Variants in LRRC7 observed in about 807,000 individuals in gnomAD.
LRRC7 encodes leucine-rich repeat-containing protein 7.
In LRRC7, 23 loss-of-function variants were observed where a neutral mutation model predicts 175.7. The observed-to-expected ratio is 0.13, with a 90% CI of 0.09 to 0.19. The LOEUF (loss-of-function observed/expected upper bound fraction) is 0.19, where lower values mean the gene tolerates loss of function less well. LRRC7 is among the 10% of genes least tolerant of loss of function. The pLI, the probability that LRRC7 is intolerant of heterozygous loss-of-function variation, is 1.00. For synonymous variants in LRRC7, 685 were observed against 680.9 expected, an observed-to-expected ratio of 1.01 and a Z score of -0.09; for missense variants, 1,354 against 1,904.7, an observed-to-expected ratio of 0.71 and a Z score of 5.38.
At chr1:69,946,730 C>A (rs1649358289) in intron 8 of LRRC7, among the ~76,000 whole-genome samples, 1 of 151,160 alleles carries the variant, frequency 6.6e-6, no homozygotes, top group South Asian at 2.1e-4. Context: ...CTTCTCATTA[C>A]CATTTGCATG....
chr1:69,578,137 G>A (rs1646033757), intron 1 of LRRC7, among the ~76,000 whole-genome samples: 1 of 152,052 alleles, frequency 6.6e-6, no homozygotes, highest in Non-Finnish European at 1.5e-5. Flanking sequence ...CGAAGGACAT[G>A]AACAGACACT....
At chr1:69,605,140 A>G (rs1223033674) in intron 1 of LRRC7, among the ~76,000 whole-genome samples, 1 of 152,132 alleles carries the variant, frequency 6.6e-6, no homozygotes, top group Admixed American at 6.6e-5. Context: ...AGGTAATTGA[A>G]TCATGGGGGC....
At chr1:69,784,302 GA>G (rs1253249987) in intron 3 of LRRC7, among the ~76,000 whole-genome samples, 1 of 152,086 alleles carries the variant, frequency 6.6e-6, no homozygotes, top group African/African-American at 2.4e-5. Context: ...GTGGGTAGAA[GA>G]CAAAGGGATA....
intron 24 of LRRC7, among the ~76,000 whole-genome samples, chr1:70,083,632 T>A (rs1663386615): frequency 6.6e-6 from 1 of 152,204 alleles, no homozygotes; most frequent in Non-Finnish European, 1.5e-5. Context: ...AATTAGCTAC[T>A]TGTTGACATC....
At chr1:69,699,581 T>C (rs566385945) in intron 2 of LRRC7, among the ~76,000 whole-genome samples, 17 of 150,194 alleles carry the variant, frequency 1.1e-4, no homozygotes, top group African/African-American at 4.1e-4. Flanking sequence ...ACTTCTTTCC[T>C]GACCTCTGCA....
In LRRC7 at chr1:70,135,226, C is replaced by T. The variant is rs1323068936; in HGVS notation, c.*13339C>T. Among the ~76,000 whole-genome samples, 2 of 152,032 alleles carry T rather than the reference C, an allele frequency of 1.3e-5. No individual in the cohort carries two copies. Among genetic ancestry groups the T allele is most frequent in the Non-Finnish European group, 2.9e-5 (2 of 68,020 alleles). On this transcript the variant is annotated 3_prime_UTR_variant, in exon 27 of 27. Transcript: ENST00000651989. ...TTAATTTTTTATTCCTAGGAGCAACCTCTAGGTCAGTGCTTGCTATCCAGC... is the reference window on the plus strand; with the variant it reads ...TTAATTTTTTATTCCTAGGAGCAACTTCTAGGTCAGTGCTTGCTATCCAGC...
At chr1:69,998,359 C>G (rs924459905) in intron 11 of LRRC7, among the ~76,000 whole-genome samples, 2 of 152,102 alleles carry the variant, frequency 1.3e-5, no homozygotes, top group Non-Finnish European at 2.9e-5. Context: ...TAGAGTGGAA[C>G]AACTTGCTAA....
chr1:70,136,657 AC>A lies in LRRC7; in HGVS notation c.*14772del, dbSNP rs1293169532. Among the ~76,000 whole-genome samples the A allele has an allele frequency of 3.3e-5, 5 of 150,734 alleles. No individual in the cohort carries two copies. Among genetic ancestry groups the A allele is most frequent in the African/African-American group, 9.8e-5 (4 of 40,870 alleles). On this transcript the variant is annotated 3_prime_UTR_variant, in exon 27 of 27. Coordinates refer to ENST00000651989, the MANE Select transcript of LRRC7 (RefSeq NM_001370785.2). ...TATGAGGAAAGAACACTGTATTGTC[AC>A]CTTCTCTCACAGTTTAATAAAATGG...
intron 26 of LRRC7, among the ~76,000 whole-genome samples, chr1:70,114,710 T>G (rs532356959): frequency 6.6e-6 from 1 of 152,250 alleles, no homozygotes; most frequent in Admixed American, 6.5e-5. Context: ...TAAAGTGTGG[T>G]TTTATATGCC....
At chr1:69,787,866 A>T (rs1674663729) in intron 3 of LRRC7, among the ~76,000 whole-genome samples, 1 of 152,006 alleles carries the variant, frequency 6.6e-6, no homozygotes, top group African/African-American at 2.4e-5. Flanking sequence ...GAGCCACAGG[A>T]TGAGATTTGG....
intron 1 of LRRC7, among the ~76,000 whole-genome samples, chr1:69,596,969 G>A (rs975046546): frequency 1.3e-5 from 2 of 152,154 alleles, no homozygotes; most frequent in African/African-American, 2.4e-5. Context: ...GGTGAGGCAC[G>A]CAGAGAATGA....
intron 7 of LRRC7, among the ~76,000 whole-genome samples, chr1:69,921,346 AACAC>A (rs370444810): frequency 1.3e-5 from 2 of 151,638 alleles, no homozygotes; most frequent in Non-Finnish European, 2.9e-5. Flanking sequence ...CACACACACA[AACAC>A]ACACACACAC....
At chr1:69,705,266 A>G (rs1000330406) in intron 2 of LRRC7, among the ~76,000 whole-genome samples, 1 of 152,136 alleles carries the variant, frequency 6.6e-6, no homozygotes, top group Non-Finnish European at 1.5e-5. Flanking sequence ...TCCAGAATTT[A>G]GAAAGAAAAT....
At chr1:69,924,166 C>G (rs1426196959) in intron 7 of LRRC7, among the ~76,000 whole-genome samples, 1 of 152,066 alleles carries the variant, frequency 6.6e-6, no homozygotes, top group Non-Finnish European at 1.5e-5. Flanking sequence ...ATCTATATCT[C>G]TGTTTTGGTA....
intron 2 of LRRC7, among the ~76,000 whole-genome samples, chr1:69,682,568 G>A (rs1228136883): frequency 6.6e-6 from 1 of 152,094 alleles, no homozygotes; most frequent in Non-Finnish European, 1.5e-5. Flanking sequence ...AACTGTATAT[G>A]TTAAAACCCA....
rs570720295 is a variant in LRRC7 at position 70,082,911 on chromosome 1, G to A, written c.4452+6613G>A. ...AGCAATTCTCCTGCCTCAGCCTCCCGAGTAGCTGGGATTACAGCATGCTCC... is the reference window on the plus strand; with the variant it reads ...AGCAATTCTCCTGCCTCAGCCTCCCAAGTAGCTGGGATTACAGCATGCTCC... On this transcript the variant is annotated intron_variant, in intron 24 of 26. Coordinates refer to ENST00000651989, the MANE Select transcript of LRRC7 (RefSeq NM_001370785.2). 2.3e-4 allele frequency among the ~76,000 whole-genome samples: 34 copies of A among 148,264 alleles called. 1 individual carries two copies. The highest frequency in any genetic ancestry group is 2.2e-3 in the Admixed American group (32 of 14,608).
intron 1 of LRRC7, among the ~76,000 whole-genome samples, chr1:69,572,871 G>C (rs1350542667): frequency 1.3e-5 from 2 of 151,896 alleles, no homozygotes; most frequent in African/African-American, 2.4e-5. Flanking sequence ...TGTGTGTGGG[G>C]TATGTGTGTG....
chr1:69,896,954 TA>T (rs2101657125), intron 7 of LRRC7, among the ~76,000 whole-genome samples: 1 of 152,290 alleles, frequency 6.6e-6, no homozygotes, highest in Non-Finnish European at 1.5e-5. Context: ...TCCTATTGTC[TA>T]CAAATTATTG....
chr1:69,863,090 A>T (rs1181585807), intron 7 of LRRC7, among the ~76,000 whole-genome samples: 1 of 152,194 alleles, frequency 6.6e-6, no homozygotes. Context: ...CCTATGAATC[A>T]TCTTAGGCCT....
Sources: allele counts gnomAD v4.1 joint callset (sites outside exome capture counted in the v4.1 genomes callset), GRCh38; gene constraint gnomAD v4.1.1; transcripts MANE v1.5; gene names NCBI Gene and HGNC (gene_info 2026-07-23, HGNC 2026-07-21).